Variants in PTPRD observed in about 807,000 individuals in gnomAD.
PTPRD encodes the protein protein tyrosine phosphatase receptor type D.
PTPRD carries 34 observed loss-of-function variants against 214.5 expected under a neutral mutation model. The observed-to-expected ratio is 0.16, with a 90% CI of 0.12 to 0.21. PTPRD has a LOEUF of 0.21. Among genes scored for constraint, PTPRD ranks in the 10% least tolerant of loss-of-function variants. PTPRD has a pLI of 1.00. For missense variants in PTPRD, 2,545 were observed against 2,398.7 expected (o/e 1.06, Z -1.27); for synonymous variants, 1,128 against 845.7 (o/e 1.33, Z -5.79).
chr9:9,899,249 G>T (rs1311132637), intron 5 of PTPRD, among the ~76,000 whole-genome samples: 1 of 152,044 alleles, frequency 6.6e-6, no homozygotes, highest in African/African-American at 2.4e-5. Flanking sequence ...CTAAATAATG[G>T]AGAGTGTGAA....
At chr9:9,031,247 G>C (rs866833757) in intron 10 of PTPRD, among the ~76,000 whole-genome samples, 1 of 150,674 alleles carries the variant, frequency 6.6e-6, no homozygotes, top group Non-Finnish European at 1.5e-5. Flanking sequence ...TTGGCACCTA[G>C]TAGACTGTCA....
intron 14 of PTPRD, among the ~76,000 whole-genome samples, chr9:8,618,917 T>G (rs1341433548): frequency 1.3e-3 from 14 of 10,834 alleles, no homozygotes; most frequent in African/African-American, 1.8e-3. Flanking sequence ...TTTTTTTGTT[T>G]TTTTTTTTTT....
At chr9:10,423,282 A>T (rs2098566969) in intron 2 of PTPRD, among the ~76,000 whole-genome samples, 8 of 152,078 alleles carry the variant, frequency 5.3e-5, no homozygotes, top group Admixed American at 5.2e-4. Flanking sequence ...AGGGTGGGGA[A>T]CATCACACTC....
intron 44 of PTPRD, among the ~76,000 whole-genome samples, chr9:8,327,765 G>A (rs1466461158): frequency 6.6e-6 from 1 of 152,042 alleles, no homozygotes; most frequent in African/African-American, 2.4e-5. Flanking sequence ...TCTTCTTATT[G>A]CATTGACCTC....
At chr9:9,665,612 G>C (rs1253873160) in intron 7 of PTPRD, among the ~76,000 whole-genome samples, 1 of 151,668 alleles carries the variant, frequency 6.6e-6, no homozygotes, top group Non-Finnish European at 1.5e-5. Flanking sequence ...TCAAATTTAG[G>C]TCTGTGGAAT....
chr9:8,588,967 T>C (rs2093889321), intron 14 of PTPRD, among the ~76,000 whole-genome samples: 2 of 152,164 alleles, frequency 1.3e-5, no homozygotes, highest in Non-Finnish European at 2.9e-5. Flanking sequence ...TAAAAGTTAT[T>C]CTTAGTGGGT....
chr9:8,645,146 C>A (rs984039440), intron 12 of PTPRD, among the ~76,000 whole-genome samples: 1 of 152,184 alleles, frequency 6.6e-6, no homozygotes, highest in Non-Finnish European at 1.5e-5. Flanking sequence ...TTGGCACGTA[C>A]TTTGTGCCAT....
chr9:8,985,642 CAA>C (rs370886793), intron 11 of PTPRD, among the ~76,000 whole-genome samples: 16 of 118,372 alleles, frequency 1.4e-4, no homozygotes, highest in Admixed American at 8.6e-5. Context: ...GTGCCTTTTA[CAA>C]AAAAAAAAAA....
intron 9 of PTPRD, among the ~76,000 whole-genome samples, chr9:9,346,569 T>C (rs1410541530): frequency 6.6e-6 from 1 of 152,204 alleles, no homozygotes; most frequent in Non-Finnish European, 1.5e-5. Flanking sequence ...CCAGTCTAAG[T>C]ATGTAACTCT....
intron 39 of PTPRD, among the ~76,000 whole-genome samples, chr9:8,371,917 G>A (rs1434331019): frequency 3.3e-5 from 5 of 151,938 alleles, no homozygotes; most frequent in East Asian, 1.9e-4. Context: ...AATGAGGTGC[G>A]AAGGGTGAGA....
intron 5 of PTPRD, among the ~76,000 whole-genome samples, chr9:9,888,831 A>T (rs897478289): frequency 6.6e-6 from 1 of 152,156 alleles, no homozygotes; most frequent in African/African-American, 2.4e-5. Context: ...AGTATTGTAG[A>T]GAAACTGACC....
intron 6 of PTPRD, among the ~76,000 whole-genome samples, chr9:9,764,098 A>T (rs954483291): frequency 6.6e-6 from 1 of 152,106 alleles, no homozygotes; most frequent in Non-Finnish European, 1.5e-5. Context: ...CCCATCTAAG[A>T]TTATAACTCT....
intron 7 of PTPRD, among the ~76,000 whole-genome samples, chr9:9,657,734 T>G (rs2096546750): frequency 6.6e-6 from 1 of 152,222 alleles, no homozygotes; most frequent in South Asian, 2.1e-4. Context: ...TATAAAGCAT[T>G]CTTTGACATA....
chr9:10,133,039 C>A lies in PTPRD; in HGVS notation c.-544-99249G>T, dbSNP rs73641857. On this transcript the variant is annotated intron_variant, in intron 3 of 45. Coordinates refer to ENST00000381196, the MANE Select transcript of PTPRD (RefSeq NM_002839.4). ...TTCTAGAGGAAGTCAACTTCCATGG[C>A]ATGAGAACACTCAGGCAGTCCATGT... is the stretch of plus-strand genomic sequence containing the variant. 2.0e-5 allele frequency among the ~76,000 whole-genome samples: 3 copies of A among 152,228 alleles called. No individual in the cohort carries two copies. The South Asian group carries it at 6.2e-4, about 32-fold the overall frequency.
At chr9:9,953,495 CA>C (rs2093635819) in intron 4 of PTPRD, among the ~76,000 whole-genome samples, 1 of 98,138 alleles carries the variant, frequency 1.0e-5, no homozygotes, top group East Asian at 3.5e-4. Context: ...GAATTGTGGA[CA>C]CACACACACA....
chr9:8,992,951 C>G (rs2099383204), intron 11 of PTPRD, among the ~76,000 whole-genome samples: 1 of 152,106 alleles, frequency 6.6e-6, no homozygotes. Context: ...AATTTGCTTT[C>G]AAATTACAAC....
At chr9:9,514,377 T>G (rs1298350883) in intron 8 of PTPRD, among the ~76,000 whole-genome samples, 1 of 152,084 alleles carries the variant, frequency 6.6e-6, no homozygotes, top group Non-Finnish European at 1.5e-5. Context: ...TCCTGGCAAC[T>G]GTCAGTTTGG....
intron 3 of PTPRD, among the ~76,000 whole-genome samples, chr9:10,248,533 A>AAAAAAAAAC (rs60272481): frequency 5.5e-5 from 7 of 127,424 alleles, no homozygotes; most frequent in African/African-American, 1.3e-4. Flanking sequence ...AAAATAAAAA[A>AAAAAAAAAC]AATAAAGCGA....
At chr9:9,653,175 T>C (rs1474996384) in intron 7 of PTPRD, among the ~76,000 whole-genome samples, 1 of 148,208 alleles carries the variant, frequency 6.7e-6, no homozygotes, top group Non-Finnish European at 1.5e-5. Flanking sequence ...ACCCCGTCTC[T>C]ACTAAAAATA....
Sources: allele counts gnomAD v4.1 joint callset (sites outside exome capture counted in the v4.1 genomes callset), GRCh38; gene constraint gnomAD v4.1.1; transcripts MANE v1.5; gene names NCBI Gene and HGNC (gene_info 2026-07-23, HGNC 2026-07-21).